Variants in GKAP1 observed in about 807,000 individuals in gnomAD.
GKAP1 encodes G kinase-anchoring protein 1.
A neutral mutation model predicts 56.7 loss-of-function variants in GKAP1; 31 were observed. The ratio of observed to expected loss-of-function variants is 0.55; its 90% CI spans 0.41 to 0.74. GKAP1 has a LOEUF of 0.74. Ranked by LOEUF, GKAP1 falls within the 30% of genes least tolerant of loss-of-function variation. The pLI is 0.00. For synonymous variants in GKAP1, 151 were observed against 138.6 expected, an observed-to-expected ratio of 1.09 and a Z score of -0.63; for missense variants, 364 against 402.3, an observed-to-expected ratio of 0.90 and a Z score of 0.82.
chr9:83,810,701 A>G (rs1944495295), intron 2 of GKAP1, among the ~76,000 whole-genome samples: 1 of 152,242 alleles, frequency 6.6e-6, no homozygotes, highest in African/African-American at 2.4e-5. Flanking sequence ...TGAGCAACCT[A>G]CTTGATCTCT....
intron 12 of GKAP1, 114 bp from the exon 13 acceptor site, chr9:83,739,858 T>C: frequency 1.4e-6 from 1 of 725,266 alleles, no homozygotes; most frequent in Non-Finnish European, 2.2e-6. Context: ...AAGCAATTTC[T>C]TTTTTGATTT....
intron 12 of GKAP1, 42 bp from the exon 13 acceptor site, chr9:83,739,786 A>T (rs1397320102): frequency 6.6e-7 from 1 of 1,516,644 alleles, no homozygotes; most frequent in Non-Finnish European, 9.0e-7. Flanking sequence ...TTTACAACAT[A>T]CCATTTTGGG....
intron 3 of GKAP1, among the ~76,000 whole-genome samples, chr9:83,805,314 G>A (rs1704075996): frequency 6.6e-6 from 1 of 152,088 alleles, no homozygotes; most frequent in African/African-American, 2.4e-5. Context: ...CAAGTACCCA[G>A]GGACACAAAC....
intron 12 of GKAP1, among the ~76,000 whole-genome samples, chr9:83,740,024 C>T (rs1430742992): frequency 6.6e-6 from 1 of 152,014 alleles, no homozygotes; most frequent in East Asian, 1.9e-4. Flanking sequence ...CTCATTTTGA[C>T]TGTTCTAGAA....
intron 12 of GKAP1, 120 bp from the exon 13 acceptor site, chr9:83,739,864 G>A (rs1396231187): frequency 1.4e-6 from 1 of 690,830 alleles, no homozygotes; most frequent in Non-Finnish European, 2.4e-6. Context: ...TTTCTTTTTT[G>A]ATTTTGTTGT....
chr9:83,771,864 G>GATTATA (rs1413003194), intron 7 of GKAP1, among the ~76,000 whole-genome samples: 2 of 152,118 alleles, frequency 1.3e-5, no homozygotes, highest in Non-Finnish European at 2.9e-5. Flanking sequence ...TATCACTAGA[G>GATTATA]ATTATAATTA....
chr9:83,739,619 T>C lies in GKAP1; in HGVS notation c.*78A>G. On this transcript the variant is annotated 3_prime_UTR_variant, in exon 13 of 13. Coordinates refer to ENST00000376371, the MANE Select transcript of GKAP1 (RefSeq NM_025211.4). ...AAGAAAAACTGCATAGTTTAGCAGTTGCACAGCATTAAATATATACAACTT... is the reference window on the plus strand; with the variant it reads ...AAGAAAAACTGCATAGTTTAGCAGTCGCACAGCATTAAATATATACAACTT... 1 of 1,113,750 alleles carries C rather than the reference T, an allele frequency of 9.0e-7. No homozygotes were observed. Among genetic ancestry groups the C allele is most frequent in the Non-Finnish European group, 1.3e-6 (1 of 768,334 alleles). 69.0% of individuals were successfully genotyped at this position (1,113,750 alleles called of 1,614,324 possible). A position where few individuals can be genotyped will look rare whatever the true frequency, so the allele number is the denominator to read the frequency against.
intron 8 of GKAP1, 104 bp downstream of exon 8, chr9:83,768,714 T>C (rs754472133): frequency 3.0e-5 from 28 of 936,478 alleles, no homozygotes; most frequent in Non-Finnish European, 4.1e-5. Flanking sequence ...CCTAAACTAC[T>C]ACTTTATACA....
intron 3 of GKAP1, 136 bp from the exon 4 acceptor site, chr9:83,799,464 A>G: frequency 1.6e-6 from 1 of 609,412 alleles, no homozygotes; most frequent in Non-Finnish European, 2.8e-6. Flanking sequence ...CACACAGCTA[A>G]AGTTATTATT....
chr9:83,794,163 A>G (rs1301915680), intron 4 of GKAP1, among the ~76,000 whole-genome samples: 1 of 152,170 alleles, frequency 6.6e-6, no homozygotes, highest in Admixed American at 6.6e-5. Context: ...GTAAGACCCC[A>G]TCTCAAAAAA....
At chr9:83,774,831 C>G (rs941971647) in intron 7 of GKAP1, among the ~76,000 whole-genome samples, 5 of 149,174 alleles carry the variant, frequency 3.4e-5, no homozygotes, top group Admixed American at 6.7e-5. Context: ...TGCCTCAGCT[C>G]CTGAGTAGCT....
chr9:83,796,518 T>C (rs1241056665), intron 4 of GKAP1, among the ~76,000 whole-genome samples: 1 of 152,178 alleles, frequency 6.6e-6, no homozygotes, highest in Non-Finnish European at 1.5e-5. Flanking sequence ...TTGCCCAGGC[T>C]GGAGTGCAAT....
chr9:83,742,814 T>C (rs1438541571), intron 10 of GKAP1, among the ~76,000 whole-genome samples: 1 of 152,246 alleles, frequency 6.6e-6, no homozygotes, highest in East Asian at 1.9e-4. Context: ...ATTCTGATCA[T>C]CATCAGCACA....
chr9:83,788,588 A>C lies in GKAP1; in HGVS notation c.438+13T>G, dbSNP rs1297779184. The C allele has an allele frequency of 7.2e-7, 1 of 1,398,222 alleles. No homozygotes were observed. The highest frequency in any genetic ancestry group is 9.9e-7 in the Non-Finnish European group (1 of 1,005,062). 86.6% of individuals were successfully genotyped at this position (1,398,222 alleles called of 1,614,324 possible). The stretch of plus-strand genomic sequence containing the variant: ...AACTTCTAAAATATCTAAATCAGTA[A>C]GTATGTAAATACCTTTTTGTGCTCT... On this transcript the variant is annotated intron_variant, in intron 5 of 12. Coordinates refer to ENST00000376371, the MANE Select transcript of GKAP1 (RefSeq NM_025211.4).
intron 6 of GKAP1, 128 bp from the exon 7 acceptor site, chr9:83,780,532 T>G (rs951444878): frequency 2.0e-6 from 1 of 511,498 alleles, no homozygotes; most frequent in African/African-American, 2.0e-5. Flanking sequence ...TAGAAGTCAT[T>G]TAAGAGTTTT....
At chr9:83,806,999 CACTCTTATCATATAT>C (rs1944449596) in intron 2 of GKAP1, among the ~76,000 whole-genome samples, 1 of 152,092 alleles carries the variant, frequency 6.6e-6, no homozygotes, top group African/African-American at 2.4e-5. Flanking sequence ...GACGGAATAC[CACTCTTATCATATAT>C]AAAATACTAC....
intron 7 of GKAP1, among the ~76,000 whole-genome samples, chr9:83,776,109 G>A (rs906283702): frequency 6.6e-6 from 1 of 151,934 alleles, no homozygotes; most frequent in Admixed American, 6.6e-5. Flanking sequence ...TCAACTATGA[G>A]GTCAACTCTC....
chr9:83,795,475 T>C (rs1301041629), intron 4 of GKAP1, among the ~76,000 whole-genome samples: 3 of 152,130 alleles, frequency 2.0e-5, no homozygotes, highest in African/African-American at 4.8e-5. Context: ...TTTTTTATTG[T>C]TTGTGCTCTT....
Position 83,742,013 on chromosome 9 carries a change from G to A in GKAP1, c.992C>T (p.Ala331Val). The change falls in exon 12 of 13, where the codon GCT becomes GTT. Residue 331 changes from alanine (A) to valine (V), a missense_variant. By Grantham distance (64) the Ala-to-Val change is moderately conservative. Transcript: ENST00000376371. ...ELTIQVTSLH[A>V]ALEQERSKVK... Reference sequence around the variant, plus strand: ...TTTAGATCTTTCTTGTTCTAATGCAGCATGAAGTGAAGTCACCTATAACCA... The same window carrying A: ...TTTAGATCTTTCTTGTTCTAATGCAACATGAAGTGAAGTCACCTATAACCA... 1 of 1,586,744 alleles carries A rather than the reference G, an allele frequency of 6.3e-7. No homozygotes were observed.
Sources: gnomAD v4.1 joint callset for allele counts (sites outside exome capture counted in the v4.1 genomes callset) on GRCh38, gnomAD v4.1.1 for gene constraint, MANE v1.5 for transcripts, NCBI Gene and HGNC (gene_info 2026-07-23, HGNC 2026-07-21) for gene names.